The following P3H2 variants were observed in gnomAD, a reference collection of about 807,000 sequenced individuals.
P3H2 encodes prolyl 3-hydroxylase 2, also known as leprecan-like 1.
P3H2 carries 80 observed loss-of-function variants against 87.0 expected under a neutral mutation model. The ratio of observed to expected loss-of-function variants is 0.92; its 90% CI spans 0.77 to 1.11. P3H2 has a LOEUF of 1.11. Among genes scored for constraint, P3H2 ranks in the 50% least tolerant of loss-of-function variants. The pLI, the probability that P3H2 is intolerant of heterozygous loss-of-function variation, is 0.00. For missense variants in P3H2, 1,001 were observed against 923.9 expected (o/e 1.08, Z -1.08); for synonymous variants, 367 against 359.3 (o/e 1.02, Z -0.24).
rs142858940 is a variant in P3H2, at chr3:190,090,642, G to A, written c.480+29610C>T. 7.0e-3 allele frequency among the ~76,000 whole-genome samples: 1,065 copies of A among 152,034 alleles called. 12 individuals are homozygous for A. Among genetic ancestry groups the A allele is most frequent in the Middle Eastern group, 0.051 (15 of 294 alleles). On this transcript the variant is annotated intron_variant, in intron 1 of 14. Transcript: ENST00000319332. Reference sequence around the variant, plus strand: ...GGTGTGAAGCTGGGAGGCGGAGCTTGCAGTGAGCCCAGATTGTGCCACTGC... The same window carrying A: ...GGTGTGAAGCTGGGAGGCGGAGCTTACAGTGAGCCCAGATTGTGCCACTGC...
At chr3:190,100,260 C>CAA (rs1223822981) in intron 1 of P3H2, among the ~76,000 whole-genome samples, 7,873 of 140,976 alleles carry the variant, frequency 0.056, 362 homozygotes, top group African/African-American at 0.1. Flanking sequence ...GCCCCCCCCC[C>CAA]CAAAAAAAAC....
At chr3:190,023,401 A>G (rs1226437517) in intron 1 of P3H2, among the ~76,000 whole-genome samples, 2 of 152,222 alleles carry the variant, frequency 1.3e-5, no homozygotes, top group African/African-American at 2.4e-5. Flanking sequence ...TCAAGAGTTT[A>G]CATGGCTGCA....
chr3:190,007,965 C>CACACACACATAT, intron 1 of P3H2, among the ~76,000 whole-genome samples: 4 of 94,348 alleles, frequency 4.2e-5, no homozygotes, highest in Admixed American at 1.1e-4. Flanking sequence ...TGTTGACACA[C>CACACACACATAT]ATATATATAT....
chr3:190,097,807 C>T lies in P3H2; in HGVS notation c.480+22445G>A, dbSNP rs191566392. ...AGCTTTCATCCCCACGCCCCACCCC[C>T]GCAGGATAAAGGCATGCATGAGTCT... On this transcript the variant is annotated intron_variant, in intron 1 of 14. Coordinates refer to ENST00000319332, the MANE Select transcript of P3H2 (RefSeq NM_018192.4). Among the ~76,000 whole-genome samples the T allele has an allele frequency of 5.2e-3, 788 of 152,194 alleles. 7 individuals carry two copies. The highest frequency in any genetic ancestry group is 0.018 in the African/African-American group (737 of 41,526).
intron 1 of P3H2, among the ~76,000 whole-genome samples, chr3:190,094,155 T>C (rs897488132): frequency 1.3e-5 from 2 of 152,224 alleles, no homozygotes; most frequent in African/African-American, 2.4e-5. Flanking sequence ...ACTGGAACTA[T>C]GGAGCTCTGT....
At chr3:190,064,127 G>A (rs1726420230) in intron 1 of P3H2, among the ~76,000 whole-genome samples, 1 of 149,594 alleles carries the variant, frequency 6.7e-6, no homozygotes, top group Non-Finnish European at 1.5e-5. Context: ...AAGTAACTGT[G>A]ACTACAGGCA....
chr3:190,023,000 G>A (rs1724976957), intron 1 of P3H2, among the ~76,000 whole-genome samples: 1 of 151,614 alleles, frequency 6.6e-6, no homozygotes, highest in Non-Finnish European at 1.5e-5. Context: ...CTAATTTTTT[G>A]TATTTTTAGT....
intron 1 of P3H2, among the ~76,000 whole-genome samples, chr3:190,102,102 T>C (rs907745865): frequency 1.3e-5 from 2 of 152,218 alleles, no homozygotes; most frequent in Admixed American, 6.5e-5. Flanking sequence ...TTTCAAAATA[T>C]TACTGCTAAT....
intron 1 of P3H2, among the ~76,000 whole-genome samples, chr3:190,069,950 G>GTT (rs559020113): frequency 8.8e-5 from 13 of 147,212 alleles, no homozygotes; most frequent in Admixed American, 6.8e-4. Flanking sequence ...GTGTAGACAA[G>GTT]TTTTTTTTTT....
intron 1 of P3H2, among the ~76,000 whole-genome samples, chr3:190,075,964 ACTC>A (rs1726858987): frequency 1.3e-5 from 2 of 151,730 alleles, no homozygotes; most frequent in South Asian, 4.2e-4. Context: ...CTTTCAGAAA[ACTC>A]CTCCAGGAAA....
intron 1 of P3H2, among the ~76,000 whole-genome samples, chr3:190,084,038 T>C (rs1032960409): frequency 1.3e-5 from 2 of 152,200 alleles, no homozygotes; most frequent in Admixed American, 1.3e-4. Flanking sequence ...TTATAGCAAC[T>C]TGGATTCTCA....
intron 1 of P3H2, among the ~76,000 whole-genome samples, chr3:190,052,687 G>GTATA (rs754709171): frequency 2.0e-5 from 3 of 151,120 alleles, no homozygotes; most frequent in South Asian, 2.1e-4. Context: ...ATGTGTGTGT[G>GTATA]TGTATATATA....
intron 1 of P3H2, among the ~76,000 whole-genome samples, chr3:190,016,389 G>A (rs541967429): frequency 3.3e-5 from 5 of 151,852 alleles, no homozygotes; most frequent in Admixed American, 1.3e-4. Context: ...GATTACAGGC[G>A]CCCTCCACCA....
At chr3:189,972,437 AC>A (rs1473803087) in intron 11 of P3H2, among the ~76,000 whole-genome samples, 2 of 152,192 alleles carry the variant, frequency 1.3e-5, no homozygotes, top group Non-Finnish European at 2.9e-5. Context: ...GGGGCATAAG[AC>A]ATAGAGGAGA....
intron 1 of P3H2, among the ~76,000 whole-genome samples, chr3:190,118,231 T>A (rs1712372150): frequency 6.6e-6 from 1 of 151,916 alleles, no homozygotes; most frequent in Non-Finnish European, 1.5e-5. Flanking sequence ...ACCTCATGGT[T>A]ATTTGTTTTT....
chr3:190,077,761 T>C (rs1462654622), intron 1 of P3H2, among the ~76,000 whole-genome samples: 4 of 152,174 alleles, frequency 2.6e-5, no homozygotes, highest in Non-Finnish European at 4.4e-5. Flanking sequence ...TTTTTAGACA[T>C]GTATTTAGGA....
At chr3:190,050,723 T>C (rs1725955450) in intron 1 of P3H2, among the ~76,000 whole-genome samples, 3 of 152,178 alleles carry the variant, frequency 2.0e-5, no homozygotes, top group Admixed American at 1.3e-4. Context: ...GACTGTGCTT[T>C]ATAATAAAAT....
chr3:190,107,238 TGATA>T (rs924723511), intron 1 of P3H2, among the ~76,000 whole-genome samples: 3 of 152,164 alleles, frequency 2.0e-5, no homozygotes, highest in Admixed American at 6.5e-5. Flanking sequence ...TATATTTGGA[TGATA>T]GATAGATGAT....
chr3:190,077,459 C>T (rs1425416734), intron 1 of P3H2, among the ~76,000 whole-genome samples: 1 of 152,182 alleles, frequency 6.6e-6, no homozygotes, highest in Non-Finnish European at 1.5e-5. Flanking sequence ...TACACACAAA[C>T]ATTTGTATGC....
Sources: gnomAD v4.1 joint callset for allele counts (sites outside exome capture counted in the v4.1 genomes callset) on GRCh38, gnomAD v4.1.1 for gene constraint, MANE v1.5 for transcripts, NCBI Gene and HGNC (gene_info 2026-07-23, HGNC 2026-07-21) for gene names.